The following ESRRG variants were observed in gnomAD, a reference collection of about 807,000 sequenced individuals.
ESRRG encodes estrogen related receptor gamma, also known as estrogen-related receptor gamma.
Under a neutral mutation model 44.0 loss-of-function variants are expected in ESRRG, and 13 were observed. The ratio of observed to expected loss-of-function variants is 0.30; its 90% confidence interval spans 0.19 to 0.47. The LOEUF is 0.47. Among genes scored for constraint, ESRRG ranks in the 20% least tolerant of loss-of-function variants. The probability of loss-of-function intolerance (pLI) is 1.00; values close to 1 mark genes in which losing one functional copy is unlikely to be tolerated. For missense variants in ESRRG, 395 were observed against 580.6 expected (o/e 0.68, Z 3.29); for synonymous variants, 215 against 214.6 (o/e 1.00, Z -0.02).
intron 1 of ESRRG, among the ~76,000 whole-genome samples, chr1:216,974,407 A>G (rs939257218): frequency 6.6e-6 from 1 of 152,172 alleles, no homozygotes; most frequent in African/African-American, 2.4e-5. Flanking sequence ...GAAACTCCTG[A>G]TATGACAATA....
At chr1:217,025,671 T>C (rs1579681672) in intron 1 of ESRRG, among the ~76,000 whole-genome samples, 1 of 152,314 alleles carries the variant, frequency 6.6e-6, no homozygotes, top group East Asian at 1.9e-4. Context: ...CAAACCCTTA[T>C]GGGTCCAAAC....
intron 3 of ESRRG, among the ~76,000 whole-genome samples, chr1:216,635,097 C>T (rs1311449378): frequency 6.6e-6 from 1 of 152,056 alleles, no homozygotes; most frequent in Non-Finnish European, 1.5e-5. Flanking sequence ...AACTGTAGTA[C>T]AGGCACAAAA....
At chr1:216,950,531 A>G (rs561257935) in intron 1 of ESRRG, among the ~76,000 whole-genome samples, 2 of 152,338 alleles carry the variant, frequency 1.3e-5, no homozygotes, top group East Asian at 3.9e-4. Context: ...ATACTTGTCT[A>G]TGGAAACAGC....
At chr1:216,823,746 C>T (rs1018866646) in intron 2 of ESRRG, among the ~76,000 whole-genome samples, 1 of 152,114 alleles carries the variant, frequency 6.6e-6, no homozygotes, top group Admixed American at 6.5e-5. Context: ...GATAGGAATG[C>T]AAGCTTTCTT....
intron 1 of ESRRG, among the ~76,000 whole-genome samples, chr1:217,086,228 G>C (rs1180987084): frequency 6.6e-6 from 1 of 152,120 alleles, no homozygotes; most frequent in Non-Finnish European, 1.5e-5. Flanking sequence ...CATTTAAATG[G>C]ATATATAGTA....
rs571541501 is a variant in ESRRG at position 216,916,562 on chromosome 1, G to A, written c.-14+23020C>T. 2.2e-4 allele frequency among the ~76,000 whole-genome samples: 33 copies of A among 152,280 alleles called. No individual in the cohort carries two copies. In the Middle Eastern group the frequency reaches 0.014, roughly 63 times the overall value. ...TCATGTTCTTTCTGATACATGCACCGCCAGGCACGCGCAGCAAGAAGGCCC... is the reference window on the plus strand; with the variant it reads ...TCATGTTCTTTCTGATACATGCACCACCAGGCACGCGCAGCAAGAAGGCCC... On this transcript the variant is annotated intron_variant, in intron 2 of 7. Transcript: ENST00000359162.
intron 1 of ESRRG, among the ~76,000 whole-genome samples, chr1:217,122,972 G>A (rs552184598): frequency 1.1e-4 from 16 of 152,018 alleles, no homozygotes; most frequent in South Asian, 2.1e-4. Flanking sequence ...GATTATAGGC[G>A]TGAGCCACCG....
At chr1:216,758,978 G>A (rs966030765) in intron 2 of ESRRG, among the ~76,000 whole-genome samples, 8 of 151,958 alleles carry the variant, frequency 5.3e-5, no homozygotes, top group Non-Finnish European at 8.8e-5. Context: ...CTAAGGCTGA[G>A]AGAAGTAAAG....
intron 3 of ESRRG, among the ~76,000 whole-genome samples, chr1:216,604,640 A>G (rs11577409): frequency 0.2 from 29,969 of 152,114 alleles, 3,743 homozygotes; most frequent in Non-Finnish European, 0.28. Context: ...CCTCATCTCT[A>G]AAAAACAGTG....
chr1:216,598,050 T>C (rs2058687436), intron 3 of ESRRG, among the ~76,000 whole-genome samples: 2 of 152,308 alleles, frequency 1.3e-5, no homozygotes, highest in South Asian at 4.1e-4. Context: ...ATTAAATGTA[T>C]ATTGTGGAAC....
chr1:216,682,681 A>T (rs1410634625), intron 1 of ESRRG, among the ~76,000 whole-genome samples: 1 of 142,224 alleles, frequency 7.0e-6, no homozygotes, highest in Non-Finnish European at 1.6e-5. Context: ...TTTGTGTTTT[A>T]AAAAATAAAA....
chr1:217,105,045 C>T (rs188586201), intron 1 of ESRRG, among the ~76,000 whole-genome samples: 2 of 152,298 alleles, frequency 1.3e-5, no homozygotes, highest in African/African-American at 4.8e-5. Context: ...CTGTGACCCT[C>T]TCTTTCCCAA....
intron 5 of ESRRG, among the ~76,000 whole-genome samples, chr1:216,553,519 C>T (rs7527533): frequency 0.072 from 11,001 of 152,094 alleles, 573 homozygotes; most frequent in East Asian, 0.19. Flanking sequence ...CAGAATAATG[C>T]CCATTCTGGC....
intron 3 of ESRRG, among the ~76,000 whole-genome samples, chr1:216,569,111 A>AGGAAGAAGGAAGGAAGAAG (rs1553355981): frequency 2.9e-5 from 3 of 104,462 alleles, no homozygotes; most frequent in South Asian, 4.0e-4. Context: ...GAAGGAAGGA[A>AGGAAGAAGGAAGGAAGAAG]GAAGGAAGGA....
rs374388500 is a variant in ESRRG at position 216,598,461 on chromosome 1, CA to C, written c.590-30364del. On this transcript the variant is annotated intron_variant, in intron 3 of 6. Coordinates refer to ENST00000408911, the MANE Select transcript of ESRRG (RefSeq NM_001438.4). ...GCTGAAAGAAATTGTTCATATGGAA[CA>C]ACCCACCTTGTGAGACTGTAAGAAA... Among the ~76,000 whole-genome samples the C allele has an allele frequency of 5.8e-4, 88 of 152,270 alleles. 1 individual carries two copies. In the South Asian group the frequency reaches 0.017, roughly 30 times the overall value.
chr1:216,827,019 T>C (rs2095409485), intron 2 of ESRRG, among the ~76,000 whole-genome samples: 1 of 152,130 alleles, frequency 6.6e-6, no homozygotes. Flanking sequence ...GAAGCATTGA[T>C]TGCTTCAAGA....
At chr1:217,008,576 G>T (rs2078098222) in intron 1 of ESRRG, among the ~76,000 whole-genome samples, 1 of 152,224 alleles carries the variant, frequency 6.6e-6, no homozygotes, top group South Asian at 2.1e-4. Flanking sequence ...TCTTGGAGTA[G>T]AGAGAAGAGC....
intron 2 of ESRRG, among the ~76,000 whole-genome samples, chr1:216,895,271 T>C (rs2058286880): frequency 6.6e-6 from 1 of 152,128 alleles, no homozygotes; most frequent in African/African-American, 2.4e-5. Flanking sequence ...TTAGAAAATT[T>C]TTGCTTGTTT....
chr1:217,074,617 AG>A (rs1392474160), intron 1 of ESRRG, among the ~76,000 whole-genome samples: 1 of 152,110 alleles, frequency 6.6e-6, no homozygotes, highest in Admixed American at 6.5e-5. Flanking sequence ...GTGGGAGGAC[AG>A]CTTGAGCCTA....
Sources: allele counts gnomAD v4.1 joint callset (sites outside exome capture counted in the v4.1 genomes callset), GRCh38; gene constraint gnomAD v4.1.1; transcripts MANE v1.5; gene names NCBI Gene and HGNC (gene_info 2026-07-23, HGNC 2026-07-21).